The following ZNF804A variants were observed in gnomAD, a reference collection of about 807,000 sequenced individuals.
The protein encoded by ZNF804A is zinc finger protein 804A.
Under a neutral mutation model 16.5 loss-of-function variants are expected in ZNF804A, and 2 were observed. That is an observed-to-expected ratio of 0.12 (90% CI 0.05 to 0.38). The LOEUF is 0.38. Ranked by LOEUF, ZNF804A falls within the 10% of genes least tolerant of loss-of-function variation. ZNF804A has a pLI of 0.99. For synonymous variants in ZNF804A, 534 were observed against 489.6 expected (o/e 1.09, Z -1.20); for missense variants, 1,473 against 1,390.7 (o/e 1.06, Z -0.94).
At chr2:184,902,805 A>T (rs1018716691) in intron 2 of ZNF804A, among the ~76,000 whole-genome samples, 1 of 152,118 alleles carries the variant, frequency 6.6e-6, no homozygotes, top group Non-Finnish European at 1.5e-5. Context: ...GCCAAATGTT[A>T]TGAGTTCCAT....
intron 1 of ZNF804A, among the ~76,000 whole-genome samples, chr2:184,648,354 G>A (rs1435403805): frequency 6.6e-6 from 1 of 152,070 alleles, no homozygotes; most frequent in Non-Finnish European, 1.5e-5. Context: ...TCACGCAATA[G>A]AAACTCAAGA....
At chr2:184,603,160 A>G (rs1315041326) in intron 1 of ZNF804A, among the ~76,000 whole-genome samples, 1 of 152,182 alleles carries the variant, frequency 6.6e-6, no homozygotes. Flanking sequence ...TTCACAAAAT[A>G]TTTGTTATTT....
chr2:184,744,278 A>C (rs866380249), intron 1 of ZNF804A, among the ~76,000 whole-genome samples: 1 of 151,916 alleles, frequency 6.6e-6, no homozygotes, highest in Admixed American at 6.6e-5. Flanking sequence ...ATTATTTTGT[A>C]TTATATACAG....
chr2:184,874,114 C>A (rs923406792), intron 2 of ZNF804A, among the ~76,000 whole-genome samples: 1 of 152,072 alleles, frequency 6.6e-6, no homozygotes, highest in Non-Finnish European at 1.5e-5. Context: ...AAAGACTACA[C>A]CTTTTTTATA....
At chr2:184,801,466 A>G (rs573840843) in intron 1 of ZNF804A, among the ~76,000 whole-genome samples, 27 of 152,200 alleles carry the variant, frequency 1.8e-4, no homozygotes, top group African/African-American at 6.3e-4. Context: ...CAATTTTTCA[A>G]TGTTCTGTTC....
chr2:184,614,007 A>G (rs943618189), intron 1 of ZNF804A, among the ~76,000 whole-genome samples: 11 of 152,200 alleles, frequency 7.2e-5, no homozygotes, highest in African/African-American at 2.7e-4. Flanking sequence ...ACAAAGCTGG[A>G]GGCATCATGC....
intron 1 of ZNF804A, among the ~76,000 whole-genome samples, chr2:184,807,619 A>T (rs776514574): frequency 6.6e-6 from 1 of 151,878 alleles, no homozygotes; most frequent in Non-Finnish European, 1.5e-5. Context: ...AAAAAATGCA[A>T]GAAAGCAAAT....
intron 1 of ZNF804A, among the ~76,000 whole-genome samples, chr2:184,714,614 G>A (rs1252546120): frequency 2.0e-5 from 3 of 152,050 alleles, no homozygotes; most frequent in Non-Finnish European, 4.4e-5. Context: ...GTGAAGAGTG[G>A]CTTGGTTGCT....
intron 1 of ZNF804A, among the ~76,000 whole-genome samples, chr2:184,738,730 T>C (rs1233008531): frequency 6.6e-6 from 1 of 152,156 alleles, no homozygotes. Context: ...ACTAATGTAA[T>C]TGAAAATAAT....
chr2:184,756,797 C>T (rs1693965692), intron 1 of ZNF804A, among the ~76,000 whole-genome samples: 1 of 151,824 alleles, frequency 6.6e-6, no homozygotes, highest in East Asian at 1.9e-4. Flanking sequence ...TTCATAAATA[C>T]ATTTCTATTT....
intron 1 of ZNF804A, among the ~76,000 whole-genome samples, chr2:184,769,826 T>G (rs1467836150): frequency 6.6e-6 from 1 of 152,000 alleles, no homozygotes; most frequent in Admixed American, 6.6e-5. Context: ...GGCTTGGTAA[T>G]CAGAGCTCAG....
chr2:184,616,970 A>G (rs1230768000), intron 1 of ZNF804A, among the ~76,000 whole-genome samples: 1 of 152,084 alleles, frequency 6.6e-6, no homozygotes, highest in African/African-American at 2.4e-5. Flanking sequence ...CATATTTAGT[A>G]TGAGAGATGA....
At chr2:184,786,517 A>G (rs1694451359) in intron 1 of ZNF804A, among the ~76,000 whole-genome samples, 1 of 151,960 alleles carries the variant, frequency 6.6e-6, no homozygotes, top group Non-Finnish European at 1.5e-5. Context: ...CTTCGTATAA[A>G]TTTTAAAAAT....
chr2:184,767,540 C>T (rs545277572), intron 1 of ZNF804A, among the ~76,000 whole-genome samples: 27 of 152,120 alleles, frequency 1.8e-4, no homozygotes, highest in African/African-American at 6.5e-4. Flanking sequence ...ATGTATTGAA[C>T]ACTGCTGAAC....
chr2:184,785,716 A>G (rs537017764), intron 1 of ZNF804A, among the ~76,000 whole-genome samples: 1 of 152,162 alleles, frequency 6.6e-6, no homozygotes, highest in South Asian at 2.1e-4. Flanking sequence ...GTATGCATAT[A>G]CAAGAACATT....
intron 1 of ZNF804A, among the ~76,000 whole-genome samples, chr2:184,656,986 T>C (rs1692088147): frequency 6.6e-6 from 1 of 152,210 alleles, no homozygotes; most frequent in Non-Finnish European, 1.5e-5. Context: ...GTCTCTGTTT[T>C]CAAGTTGAAG....
intron 1 of ZNF804A, among the ~76,000 whole-genome samples, chr2:184,655,635 A>G (rs189481938): frequency 1.3e-5 from 2 of 152,234 alleles, no homozygotes; most frequent in Non-Finnish European, 2.9e-5. Flanking sequence ...GGTTCAATGA[A>G]ATATAATTCT....
chr2:184,765,029 A>G (rs6712125), intron 1 of ZNF804A, among the ~76,000 whole-genome samples: 21,889 of 152,206 alleles, frequency 0.14, 1,709 homozygotes, highest in Middle Eastern at 0.24. Context: ...ATTTTATGTG[A>G]AAAATTCTTA....
intron 1 of ZNF804A, among the ~76,000 whole-genome samples, chr2:184,674,849 T>C (rs997485306): frequency 6.6e-6 from 1 of 151,676 alleles, no homozygotes; most frequent in African/African-American, 2.4e-5. Context: ...AAAGTAAAAT[T>C]CCATGTCAAC....
Sources: allele counts gnomAD v4.1 joint callset (sites outside exome capture counted in the v4.1 genomes callset), GRCh38; gene constraint gnomAD v4.1.1; transcripts MANE v1.5; gene names NCBI Gene and HGNC (gene_info 2026-07-23, HGNC 2026-07-21).